ITIH3: variants seen among roughly 807,000 people sequenced by gnomAD.
ITIH3 encodes inter-alpha-trypsin inhibitor heavy chain 3.
In ITIH3, 81 loss-of-function variants were observed where a neutral mutation model predicts 96.5. That is an observed-to-expected ratio of 0.84 (90% CI 0.70 to 1.01). ITIH3 has a LOEUF of 1.01. Ranked by LOEUF, ITIH3 falls within the 50% of genes least tolerant of loss-of-function variation. The pLI is 0.00. For synonymous variants in ITIH3, 422 were observed against 445.2 expected, an observed-to-expected ratio of 0.95 and a Z score of 0.66; for missense variants, 1,057 against 1,139.3, an observed-to-expected ratio of 0.93 and a Z score of 1.04.
Position 52,803,918 on chromosome 3 carries a change from G to A in ITIH3, c.1773G>A (p.Lys591=), listed in dbSNP as rs750643603. 5 of 1,614,000 alleles carry A rather than the reference G, an allele frequency of 3.1e-6. No homozygotes were observed. The Admixed American group carries it at 8.3e-5, about 27-fold the overall frequency. ...LTARALDLSL[K]YHFVTPLTSM... is the part of the protein sequence containing the mutation. Reference sequence around the variant, plus strand: ...CCCGGGCCCTGGACCTGTCCCTCAAGTATCACTTTGTGACTCCACTGACCT... The same window carrying A: ...CCCGGGCCCTGGACCTGTCCCTCAAATATCACTTTGTGACTCCACTGACCT... Residue 591 remains lysine, a synonymous_variant, in exon 14 of 22, where the codon AAG becomes AAA. Coordinates refer to ENST00000449956, the MANE Select transcript of ITIH3 (RefSeq NM_002217.4).
At chr3:52,806,032 C>T (rs1578762093) in intron 16 of ITIH3, 71 bp from the exon 17 acceptor site, 1 of 1,546,320 alleles carries the variant, frequency 6.5e-7, no homozygotes, top group South Asian at 1.2e-5. Flanking sequence ...AAGCTGAACT[C>T]CTATGGGGGT....
At chr3:52,805,999 C>A (rs574574345) in intron 16 of ITIH3, 104 bp from the exon 17 acceptor site, 3 of 1,417,708 alleles carry the variant, frequency 2.1e-6, no homozygotes, top group African/African-American at 1.5e-5. Flanking sequence ...CATTAGCGAG[C>A]GGGAAGGGGA....
intron 5 of ITIH3, 47 bp from the exon 6 acceptor site, chr3:52,797,770 G>A (rs1699649260): frequency 8.2e-7 from 1 of 1,225,806 alleles, no homozygotes; most frequent in Admixed American, 2.0e-5. Flanking sequence ...TCTGGGAACT[G>A]GCCTCTGAGG....
At chr3:52,795,732 A>G (rs1455712039) in intron 2 of ITIH3, 109 bp downstream of exon 2, 2 of 1,094,682 alleles carry the variant, frequency 1.8e-6, no homozygotes, top group East Asian at 2.5e-5. Flanking sequence ...ACAGCTGGCA[A>G]ACAGCTTACG....
chr3:52,802,593 G>T (rs1699878732), intron 12 of ITIH3, 74 bp downstream of exon 12: 2 of 1,611,382 alleles, frequency 1.2e-6, no homozygotes, highest in African/African-American at 1.3e-5. Context: ...CCTCATGAGG[G>T]TCCAGGAGTG....
intron 3 of ITIH3, 22 bp from the exon 4 acceptor site, chr3:52,796,717 C>T: frequency 1.9e-6 from 3 of 1,607,494 alleles, no homozygotes; most frequent in Non-Finnish European, 2.5e-6. Context: ...ATCTCCCTAC[C>T]CCCAACTCTC....
At position 52,799,888 on chromosome 3, in the gene ITIH3, A is replaced by C. The variant is rs1699754766; in HGVS notation, c.1042A>C (p.Arg348=). Residue 348 remains arginine, a synonymous_variant, in exon 9 of 22, where the codon AGG becomes CGG. Coordinates refer to ENST00000449956, the MANE Select transcript of ITIH3 (RefSeq NM_002217.4). ...QATPENLQEA[R]TFVKSMEDKG... ...CACGCCCGAGAACCTCCAGGAGGCC[A>C]GGACGTTTGTGAAGAGCATGGAGGA... The C allele has an allele frequency of 6.2e-7, 1 of 1,613,732 alleles. No individual in the cohort carries two copies. Among genetic ancestry groups the C allele is most frequent in the African/African-American group, 1.3e-5 (1 of 74,906 alleles).
At chr3:52,798,852 G>C in intron 6 of ITIH3, 114 bp from the exon 7 acceptor site, 4 of 1,353,320 alleles carry the variant, frequency 3.0e-6, no homozygotes, top group Non-Finnish European at 4.1e-6. Flanking sequence ...CCTCTGCCCT[G>C]CCAAGGGCTC....
Position 52,802,342 on chromosome 3 carries a change from TGAG to T in ITIH3, c.1397_1399del (p.Glu466del). 1 of 1,613,746 alleles carries T rather than the reference TGAG, an allele frequency of 6.2e-7. No homozygotes were observed. The highest frequency in any genetic ancestry group is 1.7e-5 in the Admixed American group (1 of 59,998). On this transcript the variant is annotated inframe_deletion, in exon 12 of 22. Transcript: ENST00000449956. ...CCCCGTGCGAACTTCAGGGCTTCTA[TGAG>T]GAGGTGGCCAACCCACTGCTGACGG...
At chr3:52,799,210 G>A in intron 7 of ITIH3, 119 bp downstream of exon 7, 2 of 1,337,064 alleles carry the variant, frequency 1.5e-6, no homozygotes, top group South Asian at 1.3e-5. Flanking sequence ...CCTGCAGGAT[G>A]TGGGACAGCT....
Position 52,800,555 on chromosome 3 carries a change from G to A in ITIH3, c.1093G>A (p.Gly365Arg), listed in dbSNP as rs940642869. The A allele has an allele frequency of 3.2e-6, 5 of 1,556,156 alleles. No individual in the cohort carries two copies. The African/African-American group carries it at 4.1e-5, about 13-fold the overall frequency. Reference protein sequence around the residue: ...EDKGMTNINDGLLRGISMLNK... With the variant: ...EDKGMTNINDRLLRGISMLNK... ...TGTCCCAGTGACCAACATCAATGAC[G>A]GGCTGCTGAGGGGCATCAGTATGCT... Residue 365 changes from glycine to arginine, a missense_variant, in exon 10 of 22, where the codon GGG (glycine) becomes AGG (arginine). Coordinates refer to ENST00000449956, the MANE Select transcript of ITIH3 (RefSeq NM_002217.4).
At chr3:52,797,685 C>G (rs2240919) in intron 5 of ITIH3, 132 bp from the exon 6 acceptor site, 188,773 of 615,636 alleles carry the variant, frequency 0.31, 32,195 homozygotes, top group East Asian at 0.43. Flanking sequence ...GTGGGAGACA[C>G]CAGGCTTGGC....
intron 5 of ITIH3, among the ~76,000 whole-genome samples, 170 bp from the exon 6 acceptor site, chr3:52,797,647 C>T (rs1210020900): frequency 2.0e-5 from 3 of 152,230 alleles, no homozygotes; most frequent in Non-Finnish European, 4.4e-5. Flanking sequence ...AGCATACTCT[C>T]CTCCAAGCCC....
Position 52,799,364 on chromosome 3 carries a change from C to A in ITIH3, c.790-8C>A, listed in dbSNP as rs759183130. On this transcript the variant is annotated splice_region_variant and splice_polypyrimidine_tract_variant and intron_variant, in intron 7 of 21. Transcript: ENST00000449956. ...ACACCGGCCTCCGTCCCTCTCCCCA[C>A]TTTCCAGATAGTCAATGGCTACTTC... is the stretch of plus-strand genomic sequence containing the variant. 2.0e-5 allele frequency: 32 copies of A among 1,579,820 alleles called. No individual in the cohort carries two copies. Among genetic ancestry groups the A allele is most frequent in the Non-Finnish European group, 2.6e-5 (30 of 1,161,502 alleles).
In ITIH3 at chr3:52,797,134, C is replaced by T. The variant is rs1417148752; in HGVS notation, c.416C>T (p.Thr139Ile). Reference protein sequence around the residue: ...KASGRKLEKFTVSVNVAAGSK... With the variant: ...KASGRKLEKFIVSVNVAAGSK... ...TCTGGGAGGAAGTTGGAGAAGTTCACAGTCTCGGTCAACGTGGCTGCAGGC... is the reference window on the plus strand; with the variant it reads ...TCTGGGAGGAAGTTGGAGAAGTTCATAGTCTCGGTCAACGTGGCTGCAGGC... The change falls in exon 5 of 22, where the codon ACA (threonine) becomes ATA (isoleucine). Residue 139 changes from threonine to isoleucine, a missense_variant. Transcript: ENST00000449956. 6.2e-7 allele frequency: 1 copy of T among 1,609,668 alleles called. No individual in the cohort carries two copies. Among genetic ancestry groups the T allele is most frequent in the East Asian group, 2.2e-5 (1 of 44,762 alleles).
chr3:52,800,940 C>T (rs780952950), intron 10 of ITIH3, 25 bp from the exon 11 acceptor site: 2 of 1,613,778 alleles, frequency 1.2e-6, no homozygotes, highest in Non-Finnish European at 1.7e-6. Context: ...TGGGGCTGGA[C>T]TGTGAACACC....
rs200381646 is a variant in ITIH3, at chr3:52,796,568, G to A, written c.202G>A (p.Val68Ile). The A allele has an allele frequency of 2.9e-4, 475 of 1,613,312 alleles. 2 individuals carry two copies. The highest frequency in any genetic ancestry group is 4.9e-4 in the Middle Eastern group (3 of 6,072). Residue 68 changes from valine (V) to isoleucine (I), a missense_variant, in exon 3 of 22, where the codon GTC becomes ATC. Val to Ile is a conservative substitution (Grantham distance 29). Coordinates refer to ENST00000449956, the MANE Select transcript of ITIH3 (RefSeq NM_002217.4). ...TCACAATGTTGTCACCATGAGAGCC[G>A]TCAACCGTGCAGACACGGCCAAGGA... ...FAHNVVTMRA[V>I]NRADTAKEVS...
chr3:52,808,729 A>T lies in ITIH3; in HGVS notation c.*48A>T. ...GGATGGATGGCCCGGATTTTATGGC[A>T]TCTGGAACATGGGCACAGAGAGGGG... On this transcript the variant is annotated 3_prime_UTR_variant, in exon 22 of 22. Coordinates refer to ENST00000449956, the MANE Select transcript of ITIH3 (RefSeq NM_002217.4). 2.5e-6 allele frequency: 4 copies of T among 1,588,530 alleles called. No individual in the cohort carries two copies. The South Asian group carries it at 3.3e-5, about 13-fold the overall frequency.
chr3:52,798,022 A>C lies in ITIH3; in HGVS notation c.663+92A>C. ...CTGCAGCCTAGGGCTTAGCTGCTGCAAGCATGCATGTGTTGGGGTGGGGCT... is the reference window on the plus strand; with the variant it reads ...CTGCAGCCTAGGGCTTAGCTGCTGCCAGCATGCATGTGTTGGGGTGGGGCT... On this transcript the variant is annotated intron_variant, in intron 6 of 21. Coordinates refer to ENST00000449956, the MANE Select transcript of ITIH3 (RefSeq NM_002217.4). The C allele has an allele frequency of 4.0e-6, 3 of 745,680 alleles. No homozygotes were observed. In the South Asian group the frequency reaches 5.1e-5, roughly 13 times the overall value. 46.2% of individuals were successfully genotyped at this position (745,680 alleles called of 1,614,324 possible).
Sources: gnomAD v4.1 joint callset for allele counts (sites outside exome capture counted in the v4.1 genomes callset) on GRCh38, gnomAD v4.1.1 for gene constraint, MANE v1.5 for transcripts, NCBI Gene and HGNC (gene_info 2026-07-23, HGNC 2026-07-21) for gene names.